Variants in KATNIP observed in about 807,000 individuals in gnomAD.
KATNIP encodes katanin-interacting protein.
In KATNIP, 126 loss-of-function variants were observed where a neutral mutation model predicts 174.0. That is an observed-to-expected ratio of 0.72 (90% confidence interval 0.63 to 0.84). The LOEUF (loss-of-function observed/expected upper bound fraction) is 0.84, where lower values mean the gene tolerates loss of function less well. KATNIP is among the 40% of genes least tolerant of loss of function. The probability of loss-of-function intolerance (pLI) is 0.00; values close to 1 mark genes in which losing one functional copy is unlikely to be tolerated. For missense variants in KATNIP, 1,958 were observed against 2,109.7 expected (o/e 0.93, Z 1.41); for synonymous variants, 810 against 835.7 (o/e 0.97, Z 0.53).
intron 16 of KATNIP, among the ~76,000 whole-genome samples, chr16:27,751,240 C>T (rs139645687): frequency 9.3e-4 from 141 of 152,246 alleles, no homozygotes; most frequent in African/African-American, 3.1e-3. Flanking sequence ...CCAGCCACAA[C>T]CAGATCTTGA....
intron 5 of KATNIP, among the ~76,000 whole-genome samples, chr16:27,639,770 A>C (rs1354298511): frequency 1.3e-5 from 2 of 152,148 alleles, no homozygotes; most frequent in South Asian, 4.1e-4. Context: ...TGCAGTGAGG[A>C]CGACAAATGA....
intron 6 of KATNIP, among the ~76,000 whole-genome samples, chr16:27,656,682 C>T (rs529570431): frequency 7.4e-5 from 11 of 148,246 alleles, no homozygotes; most frequent in South Asian, 2.1e-4. Flanking sequence ...AGTAAACTAT[C>T]GCAAGAACAA....
rs62029140 is a variant in KATNIP, at chr16:27,705,326, G to T, written c.1389+1328G>T. Reference sequence around the variant, plus strand: ...GTGGTCACCAATCTTACTACTGGCCGGTGAGGACTTAATGCAAAGTCCTCC... The same window carrying T: ...GTGGTCACCAATCTTACTACTGGCCTGTGAGGACTTAATGCAAAGTCCTCC... On this transcript the variant is annotated intron_variant, in intron 12 of 27. Transcript: ENST00000261588. Among the ~76,000 whole-genome samples, 5 of 151,852 alleles carry T rather than the reference G, an allele frequency of 3.3e-5. No individual in the cohort carries two copies. The South Asian group carries it at 1.0e-3, about 32-fold the overall frequency.
chr16:27,573,758 TATA>T, intron 1 of KATNIP, 140 bp from the exon 2 acceptor site: 1 of 721,972 alleles, frequency 1.4e-6, no homozygotes, highest in South Asian at 1.8e-5. Context: ...ATTTTCCCAT[TATA>T]ATAATAGGCT....
chr16:27,729,109 G>T (rs1473732599), intron 14 of KATNIP, among the ~76,000 whole-genome samples: 1 of 152,196 alleles, frequency 6.6e-6, no homozygotes, highest in African/African-American at 2.4e-5. Context: ...TTAAAACTGG[G>T]TTAATCACAC....
intron 6 of KATNIP, among the ~76,000 whole-genome samples, chr16:27,672,921 T>C (rs1234774294): frequency 6.6e-6 from 1 of 152,200 alleles, no homozygotes; most frequent in Non-Finnish European, 1.5e-5. Context: ...GTGGCTGCAC[T>C]CTGCCTTAGA....
intron 12 of KATNIP, 131 bp downstream of exon 12, chr16:27,704,129 C>G (rs367554377): frequency 1.3e-4 from 87 of 686,680 alleles, no homozygotes; most frequent in African/African-American, 8.0e-4. Context: ...ACCGCCCCCC[C>G]CCTCCCTGGC....
chr16:27,720,234 G>A (rs1257965071), intron 13 of KATNIP, among the ~76,000 whole-genome samples: 1 of 151,982 alleles, frequency 6.6e-6, no homozygotes, highest in Non-Finnish European at 1.5e-5. Context: ...GGGATTACAG[G>A]CATGCACCAC....
intron 6 of KATNIP, among the ~76,000 whole-genome samples, chr16:27,661,933 T>TACAC (rs1220625774): frequency 5.1e-5 from 3 of 58,904 alleles, no homozygotes; most frequent in Admixed American, 2.3e-4. Context: ...TATATATATA[T>TACAC]ATATATATAT....
At chr16:27,690,381 A>G (rs570174530) in intron 8 of KATNIP, among the ~76,000 whole-genome samples, 1 of 151,686 alleles carries the variant, frequency 6.6e-6, no homozygotes, top group East Asian at 1.9e-4. Context: ...AGATAGATAG[A>G]TAGATAGAAA....
chr16:27,632,952 G>A (rs1411139960), intron 5 of KATNIP, among the ~76,000 whole-genome samples: 3 of 152,158 alleles, frequency 2.0e-5, no homozygotes, highest in African/African-American at 7.2e-5. Flanking sequence ...GTTTCACCAT[G>A]TTGGCCAGGG....
intron 18 of KATNIP, among the ~76,000 whole-genome samples, chr16:27,756,430 A>T (rs761798172): frequency 2.8e-4 from 42 of 152,194 alleles, no homozygotes; most frequent in Non-Finnish European, 5.1e-4. Flanking sequence ...TCTGTTTTCC[A>T]TGAGATCAGG....
intron 1 of KATNIP, among the ~76,000 whole-genome samples, chr16:27,553,425 C>T (rs960896006): frequency 6.6e-6 from 1 of 152,156 alleles, no homozygotes; most frequent in African/African-American, 2.4e-5. Context: ...AAAATTTCTG[C>T]CAAATTCCCA....
rs2082570616 is a variant in KATNIP at position 27,778,152 on chromosome 16, G to A, written c.4801+183G>A. 2.6e-5 allele frequency among the ~76,000 whole-genome samples: 4 copies of A among 152,316 alleles called. 1 individual carries two copies. In the South Asian group the frequency reaches 6.2e-4, roughly 24 times the overall value. On this transcript the variant is annotated intron_variant, in intron 27 of 27. Coordinates refer to ENST00000261588, the MANE Select transcript of KATNIP (RefSeq NM_015202.5). ...GAGGATGGAACCAGGGGAGCAACAT[G>A]CTTCCATCTTCTTGCAGGCACCTGT... is the stretch of plus-strand genomic sequence containing the variant.
chr16:27,723,628 A>G (rs1278657388), intron 14 of KATNIP, among the ~76,000 whole-genome samples: 3 of 152,132 alleles, frequency 2.0e-5, no homozygotes, highest in Non-Finnish European at 4.4e-5. Context: ...GTGGTTGATG[A>G]ATGAATGAAT....
At chr16:27,590,598 G>A (rs984489699) in intron 2 of KATNIP, among the ~76,000 whole-genome samples, 6 of 152,138 alleles carry the variant, frequency 3.9e-5, no homozygotes, top group East Asian at 1.9e-4. Context: ...TTCTGGCTAC[G>A]TCCTGCTTTT....
chr16:27,630,962 G>A, intron 4 of KATNIP, 103 bp from the exon 5 acceptor site: 1 of 835,454 alleles, frequency 1.2e-6, no homozygotes, highest in Non-Finnish European at 2.0e-6. Context: ...ACAAGACTTT[G>A]GGCACACTGA....
chr16:27,709,161 A>C, intron 13 of KATNIP: 1 of 429,502 alleles, frequency 2.3e-6, no homozygotes. Flanking sequence ...TCTACAAAAA[A>C]CACAAAAAAT....
intron 20 of KATNIP, among the ~76,000 whole-genome samples, chr16:27,767,532 C>T (rs1017898121): frequency 2.6e-5 from 4 of 152,054 alleles, no homozygotes; most frequent in Non-Finnish European, 5.9e-5. Context: ...CCAGCCTGGG[C>T]AATACAGAGA....
Sources: gnomAD v4.1 joint callset for allele counts (sites outside exome capture counted in the v4.1 genomes callset) on GRCh38, gnomAD v4.1.1 for gene constraint, MANE v1.5 for transcripts, NCBI Gene and HGNC (gene_info 2026-07-23, HGNC 2026-07-21) for gene names.